The following ATP11A variants were observed in gnomAD, a reference collection of about 807,000 sequenced individuals.
The protein encoded by ATP11A is phospholipid-transporting ATPase IH.
ATP11A carries 81 observed loss-of-function variants against 154.4 expected under a neutral mutation model. The ratio of observed to expected loss-of-function variants is 0.52; its 90% CI spans 0.44 to 0.63. The LOEUF (loss-of-function observed/expected upper bound fraction) is 0.63. ATP11A is among the 30% of genes least tolerant of loss of function. The probability of loss-of-function intolerance (pLI) is 0.00; values close to 1 mark genes in which losing one functional copy is unlikely to be tolerated. For missense variants in ATP11A, 1,316 were observed against 1,474.3 expected (o/e 0.89, Z 1.76); for synonymous variants, 623 against 585.9 (o/e 1.06, Z -0.91).
chr13:112,803,729 TGAC>T (rs1566503555), intron 2 of ATP11A, among the ~76,000 whole-genome samples: 2 of 96,014 alleles, frequency 2.1e-5, no homozygotes, highest in African/African-American at 4.7e-5. Flanking sequence ...CTTCCCTCCC[TGAC>T]CTCCTTCCCC....
chr13:112,715,318 G>A (rs988071400), intron 1 of ATP11A, among the ~76,000 whole-genome samples: 1 of 135,736 alleles, frequency 7.4e-6, no homozygotes, highest in African/African-American at 2.7e-5. Context: ...TCTTGGCTTT[G>A]TAGTGTCCTG....
Position 112,782,154 on chromosome 13 carries a change from C to T in ATP11A, c.40-2981C>T, listed in dbSNP as rs556215773. 5.5e-4 allele frequency among the ~76,000 whole-genome samples: 84 copies of T among 152,336 alleles called. No individual in the cohort carries two copies. In the South Asian group the frequency reaches 0.011, roughly 20 times the overall value. ...TTTGATGTAATTATTTAATGATAAA[C>T]GTCTGCTCGCCGGTGTTGAGACTTT... On this transcript the variant is annotated intron_variant, in intron 1 of 29. Transcript: ENST00000375645.
chr13:112,822,309 T>C (rs1419338374), intron 8 of ATP11A, among the ~76,000 whole-genome samples: 1 of 152,192 alleles, frequency 6.6e-6, no homozygotes, highest in Non-Finnish European at 1.5e-5. Context: ...ATCAAGAATA[T>C]AAGCCCCTGA....
intron 2 of ATP11A, among the ~76,000 whole-genome samples, chr13:112,798,037 G>C (rs773132395): frequency 2.6e-5 from 4 of 152,172 alleles, no homozygotes; most frequent in Admixed American, 6.5e-5. Flanking sequence ...CCTCTGGAGT[G>C]GGGGAAGGCT....
Position 112,834,003 on chromosome 13 carries a change from C to T in ATP11A, c.1560-586C>T, listed in dbSNP as rs144489432. ...TCTGTCTCCCGGGTCCTCTGCTGGC[C>T]TCTCGCATCCCAAAGCCATGCTCTG... On this transcript the variant is annotated intron_variant, in intron 14 of 29. Coordinates refer to ENST00000375645, the MANE Select transcript of ATP11A (RefSeq NM_015205.3). Among the ~76,000 whole-genome samples the T allele has an allele frequency of 7.2e-3, 1,097 of 152,370 alleles. 6 individuals are homozygous for T. The highest frequency in any genetic ancestry group is 0.022 in the South Asian group (108 of 4,826).
Position 112,875,850 on chromosome 13 carries a change from T to C in ATP11A, c.3236T>C (p.Ile1079Thr), listed in dbSNP as rs1405196655. The change falls in exon 28 of 30, where the codon ATC (isoleucine) becomes ACC (threonine). Residue 1079 changes from isoleucine to threonine, a missense_variant. Around this residue, in one of 5 missense-constraint regions of ATP11A, gnomAD observed 294 missense variants for 290.2 expected, o/e 1.01. Coordinates refer to ENST00000375645, the MANE Select transcript of ATP11A (RefSeq NM_015205.3). This position sits in a 1 kb window ranked among gnomAD's most constrained non-coding sequence, Gnocchi z 4.1. ...TCCAGCGGGCCCGCCTGGCTGGCCA[T>C]CGTGCTGCTGGTGACCATCAGCCTC... ...MLSSGPAWLA[I>T]VLLVTISLLP... is the part of the protein sequence containing the mutation. 6.2e-7 allele frequency: 1 copy of C among 1,613,984 alleles called. No homozygotes were observed. Among genetic ancestry groups the C allele is most frequent in the Admixed American group, 1.7e-5 (1 of 60,026 alleles).
In ATP11A at chr13:112,859,738, G is replaced by A. The variant is rs1194046439; in HGVS notation, c.2727+286G>A. Among the ~76,000 whole-genome samples, 3 of 152,218 alleles carry A rather than the reference G, an allele frequency of 2.0e-5. No individual in the cohort carries two copies. Among genetic ancestry groups the A allele is most frequent in the African/African-American group, 7.2e-5 (3 of 41,450 alleles). ...TGTGGTCTCCTCAGGGCCCAGCAGT[G>A]CTGGGCTGGGCATCCTGATGCCACT... On this transcript the variant is annotated intron_variant, in intron 23 of 29. Coordinates refer to ENST00000375645, the MANE Select transcript of ATP11A (RefSeq NM_015205.3). The surrounding 1 kb of genome is among the most constrained non-coding windows in gnomAD (Gnocchi z 4.3).
intron 7 of ATP11A, among the ~76,000 whole-genome samples, 180 bp from the exon 8 acceptor site, chr13:112,819,720 C>A (rs1331467817): frequency 6.6e-6 from 1 of 152,200 alleles, no homozygotes; most frequent in Non-Finnish European, 1.5e-5. Flanking sequence ...ATCACCGAAG[C>A]CATGAGCTGA....
At chr13:112,734,773 C>T (rs936807719) in intron 1 of ATP11A, among the ~76,000 whole-genome samples, 6 of 152,170 alleles carry the variant, frequency 3.9e-5, no homozygotes, top group African/African-American at 1.2e-4. Flanking sequence ...CCCTCATAGC[C>T]GCACTTGGGG....
chr13:112,831,195 G>A (rs1279088784), intron 12 of ATP11A, among the ~76,000 whole-genome samples, 180 bp from the exon 13 acceptor site: 1 of 152,180 alleles, frequency 6.6e-6, no homozygotes, highest in Non-Finnish European at 1.5e-5. Flanking sequence ...TGGGAAGGAG[G>A]ATGAGGCAGG....
chr13:112,875,964 G>T lies in ATP11A; in HGVS notation c.3327+23G>T. ...CAGGTACGGAGTGTCCCCAGCCGGGGCGGGGGTGCCTCAGGGCCCTGGCCT... is the reference window on the plus strand; with the variant it reads ...CAGGTACGGAGTGTCCCCAGCCGGGTCGGGGGTGCCTCAGGGCCCTGGCCT... On this transcript the variant is annotated intron_variant, in intron 28 of 29. Transcript: ENST00000375645. This position sits in a 1 kb window ranked among gnomAD's most constrained non-coding sequence, Gnocchi z 4.1. 6.3e-7 allele frequency: 1 copy of T among 1,597,548 alleles called. No homozygotes were observed. The highest frequency in any genetic ancestry group is 8.5e-7 in the Non-Finnish European group (1 of 1,173,692).
Position 112,690,498 on chromosome 13 carries a change from A to G in ATP11A, c.39+43A>G. On this transcript the variant is annotated intron_variant, in intron 1 of 29. Transcript: ENST00000375645. This position sits in a 1 kb window ranked among gnomAD's most constrained non-coding sequence, Gnocchi z 5.6. ...GGGCTGGGGGACCCGGGGACCAGAC[A>G]GACGCGGGCCGGCCCCGCAGCCCGG... 1.6e-6 allele frequency: 2 copies of G among 1,290,026 alleles called. No homozygotes were observed. The highest frequency in any genetic ancestry group is 2.7e-5 in the South Asian group (1 of 37,308). The allele number at this position is 1,290,026 out of a possible 1,614,324, so 79.9% of individuals were successfully genotyped here. A position where few individuals can be genotyped will look rare whatever the true frequency, so the allele number is the denominator to read the frequency against.
intron 24 of ATP11A, among the ~76,000 whole-genome samples, chr13:112,862,212 G>A (rs2140365141): frequency 6.6e-6 from 1 of 152,382 alleles, no homozygotes; most frequent in Non-Finnish European, 1.5e-5. Flanking sequence ...CAGTGAATAT[G>A]AGAGAGAAAA....
intron 1 of ATP11A, among the ~76,000 whole-genome samples, chr13:112,721,720 A>T (rs1017523241): frequency 2.0e-5 from 3 of 152,188 alleles, no homozygotes; most frequent in African/African-American, 7.2e-5. Context: ...GGGGTCATGA[A>T]CCTGTCTCCT....
intron 1 of ATP11A, among the ~76,000 whole-genome samples, chr13:112,693,439 C>CG (rs1885425911): frequency 6.8e-6 from 1 of 147,310 alleles, no homozygotes; most frequent in Non-Finnish European, 1.5e-5. Context: ...TGTATGCTCT[C>CG]TGGGGTGATG....
chr13:112,815,800 C>T (rs771039918), intron 5 of ATP11A, among the ~76,000 whole-genome samples: 2 of 152,180 alleles, frequency 1.3e-5, no homozygotes, highest in African/African-American at 2.4e-5. Flanking sequence ...CACTTGGCCA[C>T]GCTCACAGAA....
chr13:112,805,956 C>T (rs557125302), intron 3 of ATP11A, among the ~76,000 whole-genome samples: 338 of 151,072 alleles, frequency 2.2e-3, no homozygotes, highest in Non-Finnish European at 3.6e-3. Context: ...CAAGGCGTGC[C>T]CCGACTTCAG....
intron 17 of ATP11A, among the ~76,000 whole-genome samples, chr13:112,848,197 A>G (rs953887179): frequency 1.3e-5 from 2 of 152,226 alleles, no homozygotes; most frequent in African/African-American, 4.8e-5. Context: ...TTAACAATCC[A>G]TGAACATGGG....
At chr13:112,871,573 ATCT>A (rs2080521671) in intron 25 of ATP11A, among the ~76,000 whole-genome samples, 159 bp from the exon 26 acceptor site, 1 of 152,154 alleles carries the variant, frequency 6.6e-6, no homozygotes. Context: ...GAGTTGCTGC[ATCT>A]TCTTTTACGG....
Sources: gnomAD v4.1 joint callset for allele counts (sites outside exome capture counted in the v4.1 genomes callset) on GRCh38, gnomAD v4.1.1 for gene constraint, gnomAD v4.1.1 regional missense constraint, Gnocchi (gnomAD v3.1) non-coding constraint, MANE v1.5 for transcripts, NCBI Gene and HGNC (gene_info 2026-07-23, HGNC 2026-07-21) for gene names.